The following NBAS variants were observed in gnomAD, a reference collection of about 807,000 sequenced individuals.
NBAS encodes NBAS subunit of NRZ tethering complex.
A neutral mutation model predicts 302.5 loss-of-function variants in NBAS; 219 were observed. The observed-to-expected ratio is 0.72, with a 90% CI of 0.65 to 0.81. The LOEUF is 0.81. NBAS is among the 30% of genes least tolerant of loss of function. The pLI is 0.00. For synonymous variants in NBAS, 1,118 were observed against 1,021.6 expected, an observed-to-expected ratio of 1.09 and a Z score of -1.80; for missense variants, 2,932 against 2,841.6, an observed-to-expected ratio of 1.03 and a Z score of -0.72.
intron 51 of NBAS, among the ~76,000 whole-genome samples, chr2:15,175,511 C>A (rs1031996916): frequency 2.0e-5 from 3 of 152,146 alleles, no homozygotes; most frequent in African/African-American, 7.2e-5. Context: ...AGAAAATATT[C>A]CAGAGATGCG....
At chr2:14,806,633 T>A in the NBAS span, among the ~76,000 whole-genome samples, 366 of 152,244 alleles carry the variant, frequency 2.4e-3, no homozygotes, top group African/African-American at 8.0e-3. Flanking sequence ...AACAAATCAT[T>A]CACCCCCGAA....
chr2:15,070,021 C>A, the NBAS span, among the ~76,000 whole-genome samples: 3 of 152,162 alleles, frequency 2.0e-5, no homozygotes, highest in Non-Finnish European at 4.4e-5. Context: ...AATGTCAGAA[C>A]TGCAGAGTCC....
the NBAS span, among the ~76,000 whole-genome samples, chr2:14,972,986 T>A: frequency 6.6e-6 from 1 of 152,212 alleles, no homozygotes; most frequent in East Asian, 1.9e-4. Flanking sequence ...CACTGTGTCC[T>A]TGGAGCCCCT....
chr2:15,544,795 A>C (rs1319474599), intron 6 of NBAS, among the ~76,000 whole-genome samples: 1 of 152,156 alleles, frequency 6.6e-6, no homozygotes, highest in Non-Finnish European at 1.5e-5. Context: ...GTGGATAACG[A>C]GGTCAGGAGT....
chr2:14,864,335 AAAAG>A, the NBAS span, among the ~76,000 whole-genome samples: 5 of 151,524 alleles, frequency 3.3e-5, no homozygotes, highest in African/African-American at 9.7e-5. Flanking sequence ...AAAAAAAAAA[AAAAG>A]AAAGAAAGAA....
chr2:14,993,493 T>C, the NBAS span, among the ~76,000 whole-genome samples: 7 of 152,328 alleles, frequency 4.6e-5, no homozygotes, highest in Non-Finnish European at 1.5e-5. Flanking sequence ...GAGACATTAA[T>C]TTTTTCTTCT....
intron 42 of NBAS, among the ~76,000 whole-genome samples, chr2:15,286,556 A>G (rs1022503578): frequency 6.6e-6 from 1 of 152,196 alleles, no homozygotes; most frequent in African/African-American, 2.4e-5. Context: ...GTTCCTAATC[A>G]AAGGGCCTTT....
At chr2:14,963,309 T>G in the NBAS span, among the ~76,000 whole-genome samples, 1 of 152,136 alleles carries the variant, frequency 6.6e-6, no homozygotes, top group Non-Finnish European at 1.5e-5. Flanking sequence ...AAAGTTCCTA[T>G]GGGAATACAA....
rs753537747 is a variant in NBAS at position 15,167,035 on chromosome 2, C to G, written c.*13G>C. On this transcript the variant is annotated 3_prime_UTR_variant, in exon 52 of 52. Transcript: ENST00000281513. ...ATGCTTTTTCTGCTAAGGAGCAGGG[C>G]CACAGGTGGCCCTCACACCCAGTGC... 2 of 1,528,984 alleles carry G rather than the reference C, an allele frequency of 1.3e-6. No homozygotes were observed. The highest frequency in any genetic ancestry group is 1.4e-5 in the African/African-American group (1 of 72,368). 94.7% of individuals were successfully genotyped at this position (1,528,984 alleles called of 1,614,324 possible). A position where few individuals can be genotyped will look rare whatever the true frequency, so the allele number is the denominator to read the frequency against.
At chr2:15,233,707 C>A (rs1667474277) in intron 46 of NBAS, among the ~76,000 whole-genome samples, 1 of 151,818 alleles carries the variant, frequency 6.6e-6, no homozygotes, top group Admixed American at 6.6e-5. Flanking sequence ...TATATATCTC[C>A]CTATATATAA....
chr2:15,275,301 C>A (rs1322357617), intron 44 of NBAS, among the ~76,000 whole-genome samples, 183 bp downstream of exon 44: 1 of 151,990 alleles, frequency 6.6e-6, no homozygotes, highest in Non-Finnish European at 1.5e-5. Context: ...TGTACATCTA[C>A]AATAGAGAAA....
the NBAS span, among the ~76,000 whole-genome samples, chr2:14,986,307 C>G: frequency 6.6e-6 from 1 of 151,992 alleles, no homozygotes; most frequent in African/African-American, 2.4e-5. Context: ...ACTAATATCT[C>G]CTGCCAACAT....
intron 48 of NBAS, among the ~76,000 whole-genome samples, chr2:15,206,072 G>A (rs1666129135): frequency 6.6e-6 from 1 of 152,158 alleles, no homozygotes; most frequent in Admixed American, 6.5e-5. Flanking sequence ...GGAAGATGTG[G>A]GAAGTATGAA....
chr2:15,247,873 C>G (rs961878489), intron 44 of NBAS, among the ~76,000 whole-genome samples: 2 of 151,904 alleles, frequency 1.3e-5, no homozygotes, highest in Non-Finnish European at 2.9e-5. Context: ...CTTTAACACC[C>G]CACTGTCAAT....
chr2:14,971,288 G>A, the NBAS span, among the ~76,000 whole-genome samples: 8 of 152,002 alleles, frequency 5.3e-5, no homozygotes, highest in African/African-American at 1.4e-4. Context: ...AGGCTGAGGC[G>A]GGTGGATCAC....
chr2:14,882,024 T>C, the NBAS span, among the ~76,000 whole-genome samples: 1 of 151,998 alleles, frequency 6.6e-6, no homozygotes, highest in Non-Finnish European at 1.5e-5. Context: ...CAAAGTAAGA[T>C]GAGAGGAGAA....
At chr2:15,183,782 G>A (rs62121508) in intron 50 of NBAS, among the ~76,000 whole-genome samples, 3,325 of 152,248 alleles carry the variant, frequency 0.022, 61 homozygotes, top group Non-Finnish European at 0.034. Flanking sequence ...AAGAGCAGAC[G>A]CAGTACATCC....
chr2:15,328,688 C>T lies in NBAS; in HGVS notation c.4348-376G>A, dbSNP rs116580611. ...AAACGTCATCTTGTCTGTGTTGCTG[C>T]CCTCCTTAAAAATCCTTTAGTAGCT... is the stretch of plus-strand genomic sequence containing the variant. On this transcript the variant is annotated intron_variant, in intron 36 of 51. Transcript: ENST00000281513. Among the ~76,000 whole-genome samples the T allele has an allele frequency of 3.4e-3, 518 of 152,306 alleles. 2 individuals are homozygous for T. The highest frequency in any genetic ancestry group is 0.012 in the African/African-American group (491 of 41,558).
chr2:15,342,688 T>A (rs879154936), intron 35 of NBAS, among the ~76,000 whole-genome samples: 1 of 152,074 alleles, frequency 6.6e-6, no homozygotes, highest in African/African-American at 2.4e-5. Flanking sequence ...TATTAATGTA[T>A]TGTTTATTAA....
Sources: allele counts gnomAD v4.1 joint callset (sites outside exome capture counted in the v4.1 genomes callset), GRCh38; gene constraint gnomAD v4.1.1; transcripts MANE v1.5; gene names NCBI Gene and HGNC (gene_info 2026-07-23, HGNC 2026-07-21).